The following CDH13 variants were observed in gnomAD, a reference collection of about 807,000 sequenced individuals.
CDH13 encodes the protein cadherin 13.
In CDH13, 24 loss-of-function variants were observed where a neutral mutation model predicts 63.8. The observed-to-expected ratio is 0.38, with a 90% CI of 0.27 to 0.53. The LOEUF (loss-of-function observed/expected upper bound fraction) is 0.53. CDH13 is among the 20% of genes least tolerant of loss of function. CDH13 has a pLI of 0.85. For missense variants in CDH13, 1,049 were observed against 903.1 expected (o/e 1.16, Z -2.07); for synonymous variants, 503 against 355.3 (o/e 1.42, Z -4.67).
At chr16:83,122,929 C>T (rs2035650060) in intron 3 of CDH13, among the ~76,000 whole-genome samples, 1 of 152,206 alleles carries the variant, frequency 6.6e-6, no homozygotes, top group East Asian at 1.9e-4. Context: ...ACCCTCCTCC[C>T]ACCCTCCCAC....
chr16:83,781,929 T>TAA (rs1378293373), intron 12 of CDH13, among the ~76,000 whole-genome samples: 1 of 137,150 alleles, frequency 7.3e-6, no homozygotes, highest in Non-Finnish European at 1.6e-5. Context: ...GAACTTCAAT[T>TAA]AAAAAAAAAA....
At chr16:83,573,934 C>G (rs1904872535) in intron 7 of CDH13, among the ~76,000 whole-genome samples, 1 of 152,132 alleles carries the variant, frequency 6.6e-6, no homozygotes, top group African/African-American at 2.4e-5. Flanking sequence ...CCTGGACCAT[C>G]TTGCTCCAGA....
At chr16:83,018,038 T>TA (rs1304402675) in intron 2 of CDH13, among the ~76,000 whole-genome samples, 15 of 152,294 alleles carry the variant, frequency 9.8e-5, no homozygotes, top group African/African-American at 3.6e-4. Flanking sequence ...TTTTGCATTT[T>TA]AAAAAAATAC....
At chr16:83,590,197 G>A (rs948164520) in intron 7 of CDH13, among the ~76,000 whole-genome samples, 11 of 152,158 alleles carry the variant, frequency 7.2e-5, no homozygotes, top group African/African-American at 2.7e-4. Context: ...TGGACAGTTC[G>A]CTCTGGCTGG....
rs147873536 is a variant in CDH13, at chr16:83,571,252, A to C, written c.961-31202A>C. ...ACTGAGAAAGCAGTCTACATGTTTT[A>C]TTTGCAAGAGAATCAAAAGATGGAA... On this transcript the variant is annotated intron_variant, in intron 7 of 13. Coordinates refer to ENST00000567109, the MANE Select transcript of CDH13 (RefSeq NM_001257.5). Among the ~76,000 whole-genome samples, 1,017 of 152,202 alleles carry C rather than the reference A, an allele frequency of 6.7e-3. 11 individuals are homozygous for C. Among genetic ancestry groups the C allele is most frequent in the African/African-American group, 0.023 (963 of 41,510 alleles).
At chr16:83,627,113 T>C (rs1214462656) in intron 8 of CDH13, among the ~76,000 whole-genome samples, 1 of 117,270 alleles carries the variant, frequency 8.5e-6, no homozygotes, top group Non-Finnish European at 1.7e-5. Flanking sequence ...GGAAACCCCA[T>C]CTCCACTAAA....
Position 83,043,953 on chromosome 16 carries a change from ATTTAATT to A in CDH13, c.366+11741_366+11747del, listed in dbSNP as rs1239778234. Among the ~76,000 whole-genome samples, 4 of 152,196 alleles carry A rather than the reference ATTTAATT, an allele frequency of 2.6e-5. No homozygotes were observed. The East Asian group carries it at 7.7e-4, about 29-fold the overall frequency. On this transcript the variant is annotated intron_variant, in intron 3 of 13. Coordinates refer to ENST00000567109, the MANE Select transcript of CDH13 (RefSeq NM_001257.5). ...CTTAAGGCACATCTCAATTTAGAGTATTTAATTTTTAAGTACTTAATAAGCACAAGCA... is the reference window on the plus strand; with the variant it reads ...CTTAAGGCACATCTCAATTTAGAGTATTTAAGTACTTAATAAGCACAAGCA...
At chr16:82,630,547 G>A (rs1402380438) in intron 1 of CDH13, among the ~76,000 whole-genome samples, 12 of 152,134 alleles carry the variant, frequency 7.9e-5, no homozygotes, top group Admixed American at 7.2e-4. Context: ...TATCCTCTAT[G>A]TGTTATAGTG....
chr16:83,556,155 C>T (rs2075598145), intron 7 of CDH13, among the ~76,000 whole-genome samples: 1 of 152,188 alleles, frequency 6.6e-6, no homozygotes, highest in Non-Finnish European at 1.5e-5. Context: ...CGTTCTAACT[C>T]AAACGTTAGG....
At chr16:83,689,254 C>G (rs1314987351) in intron 10 of CDH13, among the ~76,000 whole-genome samples, 8 of 151,906 alleles carry the variant, frequency 5.3e-5, no homozygotes, top group Admixed American at 4.6e-4. Flanking sequence ...TGTTCCTTGA[C>G]CAATATTTTC....
intron 1 of CDH13, among the ~76,000 whole-genome samples, chr16:82,673,405 A>T (rs1306998180): frequency 6.6e-6 from 1 of 152,206 alleles, no homozygotes; most frequent in Non-Finnish European, 1.5e-5. Flanking sequence ...AAATAAAAGT[A>T]TCCCCAAGGA....
intron 4 of CDH13, among the ~76,000 whole-genome samples, chr16:83,142,703 T>A (rs2036583839): frequency 6.6e-6 from 1 of 152,212 alleles, no homozygotes; most frequent in African/African-American, 2.4e-5. Context: ...CCCTTTTATC[T>A]TCAGCATCTA....
intron 1 of CDH13, among the ~76,000 whole-genome samples, chr16:82,707,086 G>A (rs2031554338): frequency 6.6e-6 from 1 of 152,198 alleles, no homozygotes; most frequent in African/African-American, 2.4e-5. Context: ...CGGGAAAATA[G>A]CTTTAGTCAC....
chr16:82,705,905 T>C (rs575480677), intron 1 of CDH13, among the ~76,000 whole-genome samples: 1 of 152,288 alleles, frequency 6.6e-6, no homozygotes, highest in South Asian at 2.1e-4. Flanking sequence ...ATCTGGCATA[T>C]TATTTAATAC....
intron 7 of CDH13, among the ~76,000 whole-genome samples, chr16:83,527,116 G>A (rs1567738126): frequency 6.7e-6 from 1 of 148,228 alleles, no homozygotes; most frequent in South Asian, 2.2e-4. Context: ...GGGCAACAGA[G>A]CAAGACTCTG....
intron 5 of CDH13, among the ~76,000 whole-genome samples, chr16:83,223,836 C>CT (rs1172848325): frequency 1.3e-5 from 2 of 152,136 alleles, no homozygotes; most frequent in African/African-American, 4.8e-5. Context: ...GACATGAGTG[C>CT]AATTTTTTTA....
At chr16:83,578,755 T>C (rs1456834983) in intron 7 of CDH13, among the ~76,000 whole-genome samples, 1 of 152,220 alleles carries the variant, frequency 6.6e-6, no homozygotes, top group Non-Finnish European at 1.5e-5. Flanking sequence ...GTTAGCACAA[T>C]AGGAGAGACT....
intron 2 of CDH13, among the ~76,000 whole-genome samples, chr16:82,889,113 A>T (rs1307380599): frequency 6.6e-6 from 1 of 152,156 alleles, no homozygotes; most frequent in Admixed American, 6.5e-5. Flanking sequence ...ATTCCCCTTA[A>T]CCTTATTTTC....
chr16:83,369,960 G>A lies in CDH13; in HGVS notation c.781+24954G>A, dbSNP rs146343969. Reference sequence around the variant, plus strand: ...TGTCCCTAGACTCCCATTCCCTGCAGCTGGTCTTGCTCTCTACTTTGAAAA... The same window carrying A: ...TGTCCCTAGACTCCCATTCCCTGCAACTGGTCTTGCTCTCTACTTTGAAAA... On this transcript the variant is annotated intron_variant, in intron 6 of 13. Coordinates refer to ENST00000567109, the MANE Select transcript of CDH13 (RefSeq NM_001257.5). Among the ~76,000 whole-genome samples, 256 of 152,314 alleles carry A rather than the reference G, an allele frequency of 1.7e-3. 2 individuals are homozygous for A. Among genetic ancestry groups the A allele is most frequent in the African/African-American group, 5.3e-3 (222 of 41,572 alleles).
Sources: allele counts gnomAD v4.1 joint callset (sites outside exome capture counted in the v4.1 genomes callset), GRCh38; gene constraint gnomAD v4.1.1; transcripts MANE v1.5; gene names NCBI Gene and HGNC (gene_info 2026-07-23, HGNC 2026-07-21).